The following JAK2 variants were observed in gnomAD, a reference collection of about 807,000 sequenced individuals.
JAK2 encodes tyrosine-protein kinase JAK2.
In JAK2, 86 loss-of-function variants were observed where a neutral mutation model predicts 139.3. That is an observed-to-expected ratio of 0.62 (90% CI 0.52 to 0.74). The LOEUF (loss-of-function observed/expected upper bound fraction) is 0.74, where lower values mean the gene tolerates loss of function less well. JAK2 is among the 30% of genes least tolerant of loss of function. JAK2 has a pLI of 0.00. For missense variants in JAK2, 1,421 were observed against 1,360.3 expected (o/e 1.04, Z -0.70); for synonymous variants, 490 against 437.7 (o/e 1.12, Z -1.49).
Position 5,054,871 on chromosome 9 carries a change from C to T in JAK2, c.923C>T (p.Thr308Ile). 6.3e-7 allele frequency: 1 copy of T among 1,599,326 alleles called. No individual in the cohort carries two copies. Among genetic ancestry groups the T allele is most frequent in the Non-Finnish European group, 8.5e-7 (1 of 1,171,842 alleles). Residue 308 changes from threonine (T) to isoleucine (I), a missense_variant, in exon 7 of 25, where the codon ACA becomes ATA. Coordinates refer to ENST00000381652, the MANE Select transcript of JAK2 (RefSeq NM_004972.4). The surrounding 1 kb of genome is among the most constrained non-coding windows in gnomAD (Gnocchi z 4.9). ...AGAGGGAAACATAAAGAAAGTGAGACACTGACAGAACAGGTAATCCTTAAT... is the reference window on the plus strand; with the variant it reads ...AGAGGGAAACATAAAGAAAGTGAGATACTGACAGAACAGGTAATCCTTAAT... The part of the protein sequence containing the change: ...WSRGKHKESE[T>I]LTEQDLQLYC...
intron 2 of JAK2, among the ~76,000 whole-genome samples, chr9:5,010,394 C>T (rs917720110): frequency 4.6e-5 from 7 of 151,992 alleles, no homozygotes; most frequent in Admixed American, 2.6e-4. Context: ...ACATGACCTC[C>T]GTTGCAACCT....
chr9:5,126,453 AT>A lies in JAK2; in HGVS notation c.3291+16del, dbSNP rs749188860. 915 of 1,541,200 alleles carry A rather than the reference AT, an allele frequency of 5.9e-4. No individual in the cohort carries two copies. Among genetic ancestry groups the A allele is most frequent in the Middle Eastern group, 1.0e-3 (6 of 5,870 alleles). On this transcript the variant is annotated splice_region_variant and intron_variant, in intron 24 of 24. Coordinates refer to ENST00000381652, the MANE Select transcript of JAK2 (RefSeq NM_004972.4). ...AGATGGATGCCCAGATGAGGTAACA[AT>A]TTTTTTTTAATCCAGGGTAGTCATG...
intron 2 of JAK2, among the ~76,000 whole-genome samples, chr9:5,001,086 T>C (rs747191309): frequency 9.2e-5 from 14 of 152,236 alleles, no homozygotes; most frequent in Admixed American, 1.3e-4. Flanking sequence ...CATTTATAAG[T>C]TCTAGTAATT....
chr9:5,043,156 C>T (rs7037207), intron 4 of JAK2, among the ~76,000 whole-genome samples: 93,917 of 152,012 alleles, frequency 0.62, 31,179 homozygotes, highest in African/African-American at 0.88. Flanking sequence ...GGGGGGTCTG[C>T]GGGCGGCCCT....
intron 2 of JAK2, among the ~76,000 whole-genome samples, chr9:5,019,147 C>T (rs1822253062): frequency 6.6e-6 from 1 of 152,104 alleles, no homozygotes; most frequent in African/African-American, 2.4e-5. Flanking sequence ...ACCAGGTTTT[C>T]TATTCCTTTT....
intron 22 of JAK2, chr9:5,100,744 G>C (rs116705766): frequency 8.4e-4 from 128 of 152,278 alleles, no homozygotes; most frequent in African/African-American, 2.9e-3. Context: ...ATTACCTTAG[G>C]TATTTACTTC....
chr9:5,103,909 T>G (rs567586602), intron 22 of JAK2, among the ~76,000 whole-genome samples: 1 of 152,172 alleles, frequency 6.6e-6, no homozygotes, highest in Admixed American at 6.5e-5. Flanking sequence ...CTGGGACATA[T>G]TTAAGGCAGT....
chr9:5,072,005 C>A (rs1203231724), intron 12 of JAK2, among the ~76,000 whole-genome samples: 1 of 152,148 alleles, frequency 6.6e-6, no homozygotes, highest in East Asian at 1.9e-4. Context: ...CATAACAATC[C>A]TATGGGAAAA....
At chr9:5,110,311 T>C (rs950407520) in intron 22 of JAK2, 1 of 152,210 alleles carries the variant, frequency 6.6e-6, no homozygotes, top group African/African-American at 2.4e-5. Flanking sequence ...CCAGGGGCTG[T>C]TACCACCTTA....
intron 22 of JAK2, chr9:5,110,308 C>T (rs573262593): frequency 6.6e-6 from 1 of 152,196 alleles, no homozygotes; most frequent in African/African-American, 2.4e-5. Flanking sequence ...TCTCCAGGGG[C>T]TGTTACCACC....
At chr9:5,121,608 G>C (rs1444090196) in intron 22 of JAK2, among the ~76,000 whole-genome samples, 2 of 152,246 alleles carry the variant, frequency 1.3e-5, no homozygotes, top group Admixed American at 1.3e-4. Context: ...TCTTGAGAAA[G>C]ACATTCATGG....
In JAK2 at chr9:5,128,288, C is replaced by T. The variant is rs1824136318; in HGVS notation, c.*1497C>T. 4.4e-6 allele frequency: 1 copy of T among 226,908 alleles called. No individual in the cohort carries two copies. The highest frequency in any genetic ancestry group is 8.8e-6 in the Non-Finnish European group (1 of 114,032). 14.1% of individuals were successfully genotyped at this position (226,908 alleles called of 1,614,324 possible). On this transcript the variant is annotated 3_prime_UTR_variant, in exon 25 of 25. Transcript: ENST00000381652. ...AATGTTTTTTACATTCATTATTATA[C>T]TTAAAGCATTTTTAAAGCATTTTAA...
chr9:5,120,539 GA>G (rs1288776276), intron 22 of JAK2, among the ~76,000 whole-genome samples: 5 of 152,138 alleles, frequency 3.3e-5, no homozygotes, highest in African/African-American at 1.2e-4. Context: ...ATAACTGGGG[GA>G]AAAAGTGCCT....
intron 22 of JAK2, chr9:5,114,635 C>T: frequency 2.1e-6 from 1 of 476,062 alleles, no homozygotes; most frequent in South Asian, 1.6e-5. Flanking sequence ...ACACTTGGCA[C>T]AGCATGACGC....
chr9:4,999,985 A>T (rs1023501097), intron 2 of JAK2, among the ~76,000 whole-genome samples: 3 of 152,176 alleles, frequency 2.0e-5, no homozygotes, highest in Non-Finnish European at 4.4e-5. Context: ...CAGCTAAGGA[A>T]GCTAAGGAAG....
intron 19 of JAK2, chr9:5,085,380 T>G: frequency 1.1e-6 from 1 of 900,610 alleles, no homozygotes; most frequent in South Asian, 1.3e-5. Flanking sequence ...CATGCACCAC[T>G]GGGTCGGGGC....
Position 5,127,676 on chromosome 9 carries a change from T to TAACA in JAK2, c.*886_*889dup. On this transcript the variant is annotated 3_prime_UTR_variant, in exon 25 of 25. Coordinates refer to ENST00000381652, the MANE Select transcript of JAK2 (RefSeq NM_004972.4). ...CATCCTTTGAGCTGCTGACTGCCAA[T>TAACA]AACATTCTTCGATCTCTGGGATTTA... 4.3e-6 allele frequency: 1 copy of TAACA among 232,254 alleles called. No individual in the cohort carries two copies. Among genetic ancestry groups the TAACA allele is most frequent in the South Asian group, 1.8e-4 (1 of 5,518 alleles). 14.4% of individuals were successfully genotyped at this position (232,254 alleles called of 1,614,324 possible). A position where few individuals can be genotyped will look rare whatever the true frequency, so the allele number is the denominator to read the frequency against.
chr9:5,033,547 A>G (rs1823330282), intron 4 of JAK2, among the ~76,000 whole-genome samples: 1 of 152,240 alleles, frequency 6.6e-6, no homozygotes, highest in Non-Finnish European at 1.5e-5. Flanking sequence ...ATCTCTTGGC[A>G]GAAACTCTAC....
At chr9:5,068,775 T>C (rs771959663) in intron 10 of JAK2, among the ~76,000 whole-genome samples, 19 of 152,234 alleles carry the variant, frequency 1.2e-4, no homozygotes, top group Admixed American at 7.9e-4. Flanking sequence ...ATTGTTGCTA[T>C]TAATTATCAT....
Sources: gnomAD v4.1 joint callset for allele counts (sites outside exome capture counted in the v4.1 genomes callset) on GRCh38, gnomAD v4.1.1 for gene constraint, Gnocchi (gnomAD v3.1) non-coding constraint, MANE v1.5 for transcripts, NCBI Gene and HGNC (gene_info 2026-07-23, HGNC 2026-07-21) for gene names.